AGBL3: variants seen among roughly 807,000 people sequenced by gnomAD.
The protein encoded by AGBL3 is AGBL carboxypeptidase 3, also known as cytosolic carboxypeptidase 3.
In AGBL3, 68 loss-of-function variants were observed where a neutral mutation model predicts 94.5. The observed-to-expected ratio is 0.72, with a 90% CI of 0.59 to 0.88. The LOEUF (loss-of-function observed/expected upper bound fraction) is 0.88. Among genes scored for constraint, AGBL3 ranks in the 40% least tolerant of loss-of-function variants. AGBL3 has a pLI of 0.00. For synonymous variants in AGBL3, 354 were observed against 370.7 expected (o/e 0.95, Z 0.52); for missense variants, 934 against 1,103.8 (o/e 0.85, Z 2.18).
intron 5 of AGBL3, among the ~76,000 whole-genome samples, chr7:135,022,120 A>G (rs947198527): frequency 1.3e-5 from 2 of 152,196 alleles, no homozygotes; most frequent in South Asian, 4.1e-4. Flanking sequence ...TAGTGATGCA[A>G]TCAACATACA....
chr7:135,025,801 G>C (rs916498373), intron 5 of AGBL3, among the ~76,000 whole-genome samples: 1 of 151,644 alleles, frequency 6.6e-6, no homozygotes, highest in East Asian at 2.0e-4. Context: ...TCTTATATCA[G>C]ATGAAACAGA....
intron 12 of AGBL3, among the ~76,000 whole-genome samples, chr7:135,065,774 C>T (rs1052368140): frequency 1.3e-5 from 2 of 152,142 alleles, no homozygotes; most frequent in Non-Finnish European, 2.9e-5. Flanking sequence ...CGCCTATAGT[C>T]CCAGCTTCTC....
chr7:135,050,939 C>T, intron 11 of AGBL3: 1 of 366,692 alleles, frequency 2.7e-6, no homozygotes, highest in Non-Finnish European at 5.2e-6. Flanking sequence ...TTACTATTGC[C>T]ATTTTGTTGT....
chr7:135,059,318 T>A (rs888391969), intron 12 of AGBL3, 83 bp downstream of exon 12: 6 of 801,028 alleles, frequency 7.5e-6, no homozygotes, highest in South Asian at 2.0e-5. Context: ...GCAAAAAAAA[T>A]TGCAGATATG....
At chr7:135,096,087 G>A (rs1466594352) in intron 15 of AGBL3, among the ~76,000 whole-genome samples, 6 of 151,954 alleles carry the variant, frequency 3.9e-5, no homozygotes, top group Non-Finnish European at 7.4e-5. Flanking sequence ...GGGAGGCGGA[G>A]GTTGCAGTGA....
At chr7:135,122,203 T>C (rs1188895552) in intron 16 of AGBL3, among the ~76,000 whole-genome samples, 2 of 152,098 alleles carry the variant, frequency 1.3e-5, no homozygotes, top group African/African-American at 4.8e-5. Context: ...TCTGCTGGAG[T>C]CAGGGAGGCT....
chr7:135,024,240 G>A (rs1026628321), intron 5 of AGBL3, among the ~76,000 whole-genome samples: 5 of 152,142 alleles, frequency 3.3e-5, no homozygotes, highest in African/African-American at 1.2e-4. Flanking sequence ...GGTGATGGGG[G>A]TCATCTTTCC....
At chr7:135,094,448 A>T (rs1195149599) in intron 15 of AGBL3, 2 of 456,696 alleles carry the variant, frequency 4.4e-6, no homozygotes, top group Admixed American at 4.7e-5. Context: ...AAATTGCCAG[A>T]GGCTGAGTGC....
At chr7:135,041,628 CA>C (rs1816871787) in intron 8 of AGBL3, among the ~76,000 whole-genome samples, 1 of 63,788 alleles carries the variant, frequency 1.6e-5, no homozygotes, top group Non-Finnish European at 3.9e-5. Flanking sequence ...ATTTTTATGA[CA>C]TGGAATTAGA....
At chr7:135,118,837 T>C (rs568630824) in intron 16 of AGBL3, among the ~76,000 whole-genome samples, 55 of 152,058 alleles carry the variant, frequency 3.6e-4, no homozygotes, top group Non-Finnish European at 5.4e-4. Flanking sequence ...AAGAACCAAA[T>C]AGAAATTTTT....
chr7:135,041,096 C>A (rs962722802), intron 8 of AGBL3, among the ~76,000 whole-genome samples: 1 of 152,016 alleles, frequency 6.6e-6, no homozygotes, highest in African/African-American at 2.4e-5. Context: ...TATGCTGAAG[C>A]CTTAAAAATG....
chr7:134,986,595 CCGCGAGAT>C lies in AGBL3; in HGVS notation c.-156_-149del, dbSNP rs60980155. ...TTCTAGCGGCTGGATACCGGGTTCT[CCGCGAGAT>C]CGCGAGATCCCGAGATATTCTCCCC... On this transcript the variant is annotated 5_prime_UTR_variant, in exon 1 of 17. Coordinates refer to ENST00000436302, the MANE Select transcript of AGBL3 (RefSeq NM_178563.4). 0.76 allele frequency: 114,277 copies of C among 150,990 alleles called. 43,339 individuals carry two copies. The highest frequency in any genetic ancestry group is 0.86 in the Middle Eastern group (250 of 290). 9.4% of individuals were successfully genotyped at this position (150,990 alleles called of 1,614,324 possible). A position where few individuals can be genotyped will look rare whatever the true frequency, so the allele number is the denominator to read the frequency against.
At chr7:135,127,825 G>A (rs6972087) in intron 16 of AGBL3, among the ~76,000 whole-genome samples, 73,761 of 151,884 alleles carry the variant, frequency 0.49, 18,269 homozygotes, top group South Asian at 0.66. Flanking sequence ...CCATTACTGG[G>A]TATATACCCA....
chr7:135,105,415 T>C (rs549336974), intron 15 of AGBL3, among the ~76,000 whole-genome samples: 2 of 152,260 alleles, frequency 1.3e-5, no homozygotes, highest in African/African-American at 4.8e-5. Context: ...TTGTATATGG[T>C]GTAAGGTAGG....
chr7:135,041,894 T>C (rs1282011978), intron 8 of AGBL3, among the ~76,000 whole-genome samples: 1 of 152,126 alleles, frequency 6.6e-6, no homozygotes, highest in East Asian at 1.9e-4. Flanking sequence ...CCAAAAAGGA[T>C]ATGTGAAGGC....
intron 11 of AGBL3, among the ~76,000 whole-genome samples, chr7:135,055,675 T>G (rs2116657536): frequency 6.6e-6 from 1 of 152,314 alleles, no homozygotes; most frequent in Admixed American, 6.5e-5. Context: ...AATATTTTCT[T>G]AAAGATTTTT....
intron 15 of AGBL3, among the ~76,000 whole-genome samples, chr7:135,111,351 G>C (rs1825616812): frequency 6.6e-6 from 1 of 152,040 alleles, no homozygotes; most frequent in African/African-American, 2.4e-5. Flanking sequence ...TCAACCTACT[G>C]CTTGAGAATG....
In AGBL3 at chr7:135,106,952, A is replaced by G. The variant is rs149580115; in HGVS notation, c.2111-8428A>G. Among the ~76,000 whole-genome samples the G allele has an allele frequency of 3.0e-3, 451 of 152,184 alleles. 6 individuals carry two copies. In the East Asian group the frequency reaches 0.043, roughly 14 times the overall value. ...CTGGTTCAGTCTTGGGAGGGTGTAT[A>G]TATCCAGGAATTTATCCATCTCTTC... On this transcript the variant is annotated intron_variant, in intron 15 of 16. Coordinates refer to ENST00000436302, the MANE Select transcript of AGBL3 (RefSeq NM_178563.4).
chr7:135,107,685 T>C (rs1420315521), intron 15 of AGBL3, among the ~76,000 whole-genome samples: 2 of 152,234 alleles, frequency 1.3e-5, no homozygotes, highest in Non-Finnish European at 2.9e-5. Flanking sequence ...GAAGAATGTA[T>C]ATTCTGTTGA....
Sources: gnomAD v4.1 joint callset for allele counts (sites outside exome capture counted in the v4.1 genomes callset) on GRCh38, gnomAD v4.1.1 for gene constraint, MANE v1.5 for transcripts, NCBI Gene and HGNC (gene_info 2026-07-23, HGNC 2026-07-21) for gene names.